Variants in CFAP61 observed in about 807,000 individuals in gnomAD.
CFAP61 encodes cilia and flagella associated protein 61.
In CFAP61, 107 loss-of-function variants were observed where a neutral mutation model predicts 135.6. The ratio of observed to expected loss-of-function variants is 0.79; its 90% CI spans 0.67 to 0.93. The LOEUF is 0.93. Ranked by LOEUF, CFAP61 falls within the 40% of genes least tolerant of loss-of-function variation. The pLI, the probability that CFAP61 is intolerant of heterozygous loss-of-function variation, is 0.00. For synonymous variants in CFAP61, 575 were observed against 578.5 expected (o/e 0.99, Z 0.09); for missense variants, 1,507 against 1,556.2 (o/e 0.97, Z 0.53).
At chr20:20,286,017 T>TA (rs11473095) in intron 22 of CFAP61, among the ~76,000 whole-genome samples, 4,439 of 143,322 alleles carry the variant, frequency 0.031, 137 homozygotes, top group African/African-American at 0.08. Context: ...AAAGCAAACT[T>TA]AAAAAAAAAA....
At chr20:20,340,979 A>T (rs2058422626) in intron 25 of CFAP61, among the ~76,000 whole-genome samples, 2 of 151,958 alleles carry the variant, frequency 1.3e-5, no homozygotes, top group Non-Finnish European at 2.9e-5. Context: ...CATCCCTAAG[A>T]ACTAACTTTT....
At position 20,360,323 on chromosome 20, in the gene CFAP61, C is replaced by T. The variant is rs755764915; in HGVS notation, c.3627C>T (p.Tyr1209=). The T allele has an allele frequency of 1.1e-5, 17 of 1,613,746 alleles. No individual in the cohort carries two copies. The Admixed American group carries it at 2.0e-4, about 19-fold the overall frequency. ...AAAGAGTTTTTGAGGAATCCATCTA[C>T]AAAACCCTGGTGGAGAGAAGCACTC... ...YLKRVFEESI[Y]KTLVERSTLD... is the part of the protein sequence containing the mutation. The change falls in exon 27 of 27, where the codon TAC becomes TAT. Residue 1209 remains tyrosine, a synonymous_variant. Transcript: ENST00000245957.
In CFAP61 at chr20:20,074,309, A is replaced by G; in HGVS notation, c.302A>G (p.Asn101Ser). The change falls in exon 4 of 27, where the codon AAT becomes AGT. Residue 101 changes from asparagine to serine, a missense_variant. Coordinates refer to ENST00000245957, the MANE Select transcript of CFAP61 (RefSeq NM_015585.4). ...LDSDIPCTPL[N>S]TLFMHLFVAV... Reference sequence around the variant, plus strand: ...TTCTCTCTTCTTCTGCAGCCCCTGAATACGTTGTTCATGCACCTCTTTGTG... The same window carrying G: ...TTCTCTCTTCTTCTGCAGCCCCTGAGTACGTTGTTCATGCACCTCTTTGTG... 4 of 1,614,094 alleles carry G rather than the reference A, an allele frequency of 2.5e-6. No individual in the cohort carries two copies. The highest frequency in any genetic ancestry group is 2.2e-5 in the East Asian group (1 of 44,886).
intron 25 of CFAP61, among the ~76,000 whole-genome samples, chr20:20,337,939 TGAG>T (rs2058303647): frequency 6.6e-6 from 1 of 152,016 alleles, no homozygotes; most frequent in African/African-American, 2.4e-5. Context: ...CACACGAAAA[TGAG>T]GACACAGCAT....
chr20:20,098,956 GT>G, intron 8 of CFAP61, 142 bp downstream of exon 8: 1 of 735,312 alleles, frequency 1.4e-6, no homozygotes. Flanking sequence ...CCCATGGTTG[GT>G]CACATCCTTG....
At chr20:20,248,845 A>G (rs1486266673) in intron 19 of CFAP61, among the ~76,000 whole-genome samples, 1 of 152,122 alleles carries the variant, frequency 6.6e-6, no homozygotes, top group Non-Finnish European at 1.5e-5. Context: ...GCAAGCTGCT[A>G]CTCATCTATG....
intron 26 of CFAP61, among the ~76,000 whole-genome samples, chr20:20,346,144 A>G (rs1602121674): frequency 8.0e-6 from 1 of 124,224 alleles, no homozygotes; most frequent in African/African-American, 2.9e-5. Flanking sequence ...CTCATGATCC[A>G]CCCGCCTCGG....
At chr20:20,277,093 G>T in intron 21 of CFAP61, 73 bp from the exon 22 acceptor site, 1 of 1,197,768 alleles carries the variant, frequency 8.3e-7, no homozygotes, top group Non-Finnish European at 1.2e-6. Context: ...GAGCAATTCG[G>T]CATTATTAGC....
At chr20:20,174,702 G>A (rs908217473) in intron 13 of CFAP61, among the ~76,000 whole-genome samples, 2 of 152,092 alleles carry the variant, frequency 1.3e-5, no homozygotes, top group African/African-American at 4.8e-5. Context: ...ACCTGAAGAG[G>A]CTTCTACACA....
intron 18 of CFAP61, among the ~76,000 whole-genome samples, chr20:20,230,162 A>G (rs1569163798): frequency 1.3e-5 from 2 of 152,242 alleles, no homozygotes; most frequent in Non-Finnish European, 2.9e-5. Context: ...AAAGACAAGT[A>G]TAAATTTTGA....
At chr20:20,228,479 G>A in intron 18 of CFAP61, 103 bp downstream of exon 18, 1 of 970,700 alleles carries the variant, frequency 1.0e-6, no homozygotes. Context: ...AGATTGTTTG[G>A]TACTCCACAC....
In CFAP61 at chr20:20,283,659, GA is replaced by G. The variant is rs141789165; in HGVS notation, c.2797-4948del. 2.6e-5 allele frequency among the ~76,000 whole-genome samples: 4 copies of G among 152,346 alleles called. No individual in the cohort carries two copies. The East Asian group carries it at 7.7e-4, about 29-fold the overall frequency. ...TCAGGCTGCATTCTATCTGGAGCTT[GA>G]AGTCCTCTTCCAGACTTGTGTGATA... On this transcript the variant is annotated intron_variant, in intron 22 of 26. Coordinates refer to ENST00000245957, the MANE Select transcript of CFAP61 (RefSeq NM_015585.4).
Position 20,351,058 on chromosome 20 carries a change from G to A in CFAP61, c.3513+9137G>A, listed in dbSNP as rs114999447. Among the ~76,000 whole-genome samples, 553 of 152,292 alleles carry A rather than the reference G, an allele frequency of 3.6e-3. 3 individuals are homozygous for A. Among genetic ancestry groups the A allele is most frequent in the African/African-American group, 0.013 (532 of 41,536 alleles). ...CTAAGATCAGGAACAAGACAAGGATGCCTACTCTTGCCACTTCTATTAAAC... is the reference window on the plus strand; with the variant it reads ...CTAAGATCAGGAACAAGACAAGGATACCTACTCTTGCCACTTCTATTAAAC... On this transcript the variant is annotated intron_variant, in intron 26 of 26. Coordinates refer to ENST00000245957, the MANE Select transcript of CFAP61 (RefSeq NM_015585.4).
At chr20:20,255,073 C>G (rs2051417904) in intron 20 of CFAP61, among the ~76,000 whole-genome samples, 1 of 152,308 alleles carries the variant, frequency 6.6e-6, no homozygotes, top group East Asian at 1.9e-4. Context: ...AATGTCCTTC[C>G]TTGCTCTGTC....
chr20:20,289,242 T>C (rs2054824500), intron 23 of CFAP61, among the ~76,000 whole-genome samples: 1 of 152,202 alleles, frequency 6.6e-6, no homozygotes. Flanking sequence ...GTCTCACAGC[T>C]GGAAAATGAT....
chr20:20,107,454 A>G (rs2048489775), intron 8 of CFAP61, among the ~76,000 whole-genome samples: 1 of 152,134 alleles, frequency 6.6e-6, no homozygotes, highest in Non-Finnish European at 1.5e-5. Context: ...TAATAGATTC[A>G]GGTTTTCTAT....
chr20:20,092,118 T>C (rs2146619630), intron 7 of CFAP61, among the ~76,000 whole-genome samples: 1 of 152,368 alleles, frequency 6.6e-6, no homozygotes, highest in Middle Eastern at 3.4e-3. Flanking sequence ...CCTTTTTAAA[T>C]CTGGAACAAT....
intron 13 of CFAP61, chr20:20,172,334 T>G (rs2054285550): frequency 1.5e-6 from 1 of 672,010 alleles, no homozygotes; most frequent in Non-Finnish European, 1.8e-6. Context: ...TTTTTTTTTT[T>G]GAGACGGCAT....
At chr20:20,255,265 C>T (rs537374565) in intron 20 of CFAP61, among the ~76,000 whole-genome samples, 1 of 152,148 alleles carries the variant, frequency 6.6e-6, no homozygotes, top group African/African-American at 2.4e-5. Flanking sequence ...GACTCATGGA[C>T]GGTCATGGAG....
Sources: gnomAD v4.1 joint callset for allele counts (sites outside exome capture counted in the v4.1 genomes callset) on GRCh38, gnomAD v4.1.1 for gene constraint, MANE v1.5 for transcripts, NCBI Gene and HGNC (gene_info 2026-07-23, HGNC 2026-07-21) for gene names.